Variants in CRISP1 observed in about 807,000 individuals in gnomAD.
CRISP1 encodes the protein cysteine-rich secretory protein 1.
Under a neutral mutation model 33.1 loss-of-function variants are expected in CRISP1, and 44 were observed. The observed-to-expected ratio is 1.33, with a 90% CI of 1.05 to 1.71. The LOEUF (loss-of-function observed/expected upper bound fraction) is 1.71, where lower values mean the gene tolerates loss of function less well. CRISP1 is among the 40% of genes most tolerant of loss of function. The pLI, the probability that CRISP1 is intolerant of heterozygous loss-of-function variation, is 0.00. For missense variants in CRISP1, 390 were observed against 301.2 expected (o/e 1.29, Z -2.18); for synonymous variants, 103 against 98.7 (o/e 1.04, Z -0.26).
rs867135776 is a variant in CRISP1, at chr6:49,836,342, T to A, written c.623-899A>T. 8.7e-3 allele frequency among the ~76,000 whole-genome samples: 1,065 copies of A among 121,768 alleles called. 8 individuals carry two copies. Among genetic ancestry groups the A allele is most frequent in the African/African-American group, 0.026 (982 of 38,436 alleles). 79.9% of individuals were successfully genotyped at this position (121,768 alleles called of 152,430 possible). A position where few individuals can be genotyped will look rare whatever the true frequency, so the allele number is the denominator to read the frequency against. The stretch of plus-strand genomic sequence containing the variant: ...AATTTTATTTTTATTTTTATTTTAT[T>A]TTTTTTTTTTTGAGACGGAGTCTCG... On this transcript the variant is annotated intron_variant, in intron 7 of 7. Coordinates refer to ENST00000335847, the MANE Select transcript of CRISP1 (RefSeq NM_001131.3).
At chr6:49,862,585 A>C (rs1404987455) in intron 1 of CRISP1, among the ~76,000 whole-genome samples, 1 of 152,116 alleles carries the variant, frequency 6.6e-6, no homozygotes, top group East Asian at 1.9e-4. Context: ...AAGAAAACTT[A>C]TTATGATCTC....
At chr6:49,843,924 T>C (rs934426908) in intron 5 of CRISP1, among the ~76,000 whole-genome samples, 6 of 152,176 alleles carry the variant, frequency 3.9e-5, no homozygotes, top group African/African-American at 1.2e-4. Context: ...CCTTGTCTTC[T>C]AGTGTTTTGT....
intron 3 of CRISP1, among the ~76,000 whole-genome samples, chr6:49,850,827 T>C (rs1223752692): frequency 1.3e-5 from 2 of 152,112 alleles, no homozygotes; most frequent in African/African-American, 4.8e-5. Context: ...TTGTACCTCC[T>C]AGGTAAACTT....
intron 6 of CRISP1, 30 bp from the exon 7 acceptor site, chr6:49,838,555 C>T: frequency 6.5e-7 from 1 of 1,550,244 alleles, no homozygotes; most frequent in Non-Finnish European, 8.8e-7. Context: ...TTTCATAAAA[C>T]CCATCTTTGA....
At chr6:49,875,618 T>G (rs1772018375) in intron 1 of CRISP1, among the ~76,000 whole-genome samples, 2 of 152,094 alleles carry the variant, frequency 1.3e-5, no homozygotes, top group South Asian at 4.1e-4. Context: ...AGAACAAAGC[T>G]GGAGGCATCA....
At chr6:49,860,758 C>T in intron 1 of CRISP1, among the ~76,000 whole-genome samples, 1 of 151,774 alleles carries the variant, frequency 6.6e-6, no homozygotes, top group Non-Finnish European at 1.5e-5. Flanking sequence ...GAAGAAATCA[C>T]AAAGTTTAGA....
upstream of CRISP1, among the ~76,000 whole-genome samples, chr6:49,868,633 T>C (rs1024701710): frequency 2.0e-5 from 3 of 152,210 alleles, no homozygotes; most frequent in East Asian, 5.8e-4. Context: ...GCATATATTC[T>C]GGCTGTGGCT....
upstream of CRISP1, among the ~76,000 whole-genome samples, chr6:49,871,473 A>T (rs1771922199): frequency 6.6e-6 from 1 of 152,104 alleles, no homozygotes; most frequent in Non-Finnish European, 1.5e-5. Context: ...ACATTTGAAA[A>T]ATATGTAGAA....
At chr6:49,868,602 T>A (rs1771854037), upstream of CRISP1, among the ~76,000 whole-genome samples, 1 of 152,198 alleles carries the variant, frequency 6.6e-6, no homozygotes, top group Non-Finnish European at 1.5e-5. Context: ...GATTTTAAAA[T>A]CATATTTGTA....
intron 1 of CRISP1, among the ~76,000 whole-genome samples, chr6:49,873,524 A>G (rs1335037657): frequency 6.6e-6 from 1 of 152,082 alleles, no homozygotes; most frequent in East Asian, 1.9e-4. Context: ...TCCTACCTAG[A>G]GAATATAATA....
chr6:49,853,022 A>G (rs1184136128), intron 2 of CRISP1, among the ~76,000 whole-genome samples: 4 of 152,144 alleles, frequency 2.6e-5, no homozygotes, highest in Non-Finnish European at 5.9e-5. Context: ...CTAGCATCAT[A>G]ACTTACACAA....
At chr6:49,875,694 A>G (rs1303335536) in intron 1 of CRISP1, among the ~76,000 whole-genome samples, 1 of 152,172 alleles carries the variant, frequency 6.6e-6, no homozygotes, top group Non-Finnish European at 1.5e-5. Flanking sequence ...CTGGTACAAG[A>G]ACAGATACAT....
upstream of CRISP1, among the ~76,000 whole-genome samples, chr6:49,870,486 T>C (rs1407698713): frequency 6.6e-6 from 1 of 152,186 alleles, no homozygotes; most frequent in Non-Finnish European, 1.5e-5. Flanking sequence ...CAAGAAGCTG[T>C]GGCCTCAGGT....
At position 49,840,817 on chromosome 6, in the gene CRISP1, T is replaced by C; in HGVS notation, c.533+81A>G. The stretch of plus-strand genomic sequence containing the variant: ...TGAATAAAGTTGCTACAAACATTTA[T>C]GCACACAAAAAAACAATGTTTGAAA... On this transcript the variant is annotated intron_variant, in intron 6 of 7. Transcript: ENST00000335847. The C allele has an allele frequency of 3.8e-6, 4 of 1,059,626 alleles. No individual in the cohort carries two copies. The South Asian group carries it at 4.2e-5, about 11-fold the overall frequency. The allele number at this position is 1,059,626 out of a possible 1,614,324, so 65.6% of individuals were successfully genotyped here.
chr6:49,846,553 CGTT>C lies in CRISP1; in HGVS notation c.399_401del (p.Thr134del). ...AGTGGTCAGTAGTTATGTCATCATCCGTTGTTGTCCATTCTCCATGTTTGAAAC... is the reference window on the plus strand; with the variant it reads ...AGTGGTCAGTAGTTATGTCATCATCCGTTGTCCATTCTCCATGTTTGAAAC... On this transcript the variant is annotated inframe_deletion, in exon 5 of 8. Transcript: ENST00000335847. 6.2e-7 allele frequency: 1 copy of C among 1,613,408 alleles called. No homozygotes were observed. Among genetic ancestry groups the C allele is most frequent in the African/African-American group, 1.3e-5 (1 of 74,966 alleles).
intron 1 of CRISP1, among the ~76,000 whole-genome samples, chr6:49,871,623 C>A (rs1391630518): frequency 7.3e-6 from 1 of 136,240 alleles, no homozygotes; most frequent in Non-Finnish European, 1.5e-5. Flanking sequence ...TTGTTCAATT[C>A]CCACCTATGA....
chr6:49,873,481 A>G (rs954713430), intron 1 of CRISP1, among the ~76,000 whole-genome samples: 2 of 152,032 alleles, frequency 1.3e-5, no homozygotes, highest in Non-Finnish European at 1.5e-5. Flanking sequence ...CCACCCTAAA[A>G]TTTCCTTATG....
intron 2 of CRISP1, among the ~76,000 whole-genome samples, chr6:49,855,191 C>T (rs750489968): frequency 6.6e-6 from 1 of 152,114 alleles, no homozygotes; most frequent in Non-Finnish European, 1.5e-5. Flanking sequence ...TTCAACTGGC[C>T]TCCCAGAATC....
chr6:49,850,178 C>A (rs913058494), intron 3 of CRISP1, among the ~76,000 whole-genome samples: 4 of 151,640 alleles, frequency 2.6e-5, no homozygotes, highest in Non-Finnish European at 5.9e-5. Flanking sequence ...AGCACACCAG[C>A]ATGGCACATG....
Sources: allele counts gnomAD v4.1 joint callset (sites outside exome capture counted in the v4.1 genomes callset), GRCh38; gene constraint gnomAD v4.1.1; transcripts MANE v1.5; gene names NCBI Gene and HGNC (gene_info 2026-07-23, HGNC 2026-07-21).